The following NFKBIZ variants were observed in gnomAD, a reference collection of about 807,000 sequenced individuals.
NFKBIZ encodes NFKB inhibitor zeta.
Under a neutral mutation model 76.8 loss-of-function variants are expected in NFKBIZ, and 19 were observed. The ratio of observed to expected loss-of-function variants is 0.25; its 90% confidence interval spans 0.17 to 0.36. The LOEUF (loss-of-function observed/expected upper bound fraction) is 0.36. Ranked by LOEUF, NFKBIZ falls within the 10% of genes least tolerant of loss-of-function variation. The pLI is 1.00. For missense variants in NFKBIZ, 829 were observed against 910.9 expected (o/e 0.91, Z 1.16); for synonymous variants, 368 against 354.8 (o/e 1.04, Z -0.42).
chr3:101,838,627 G>T (rs1008916862), intron 2 of NFKBIZ, among the ~76,000 whole-genome samples: 1 of 152,244 alleles, frequency 6.6e-6, no homozygotes, highest in African/African-American at 2.4e-5. Context: ...GCAGGCCGTA[G>T]TTGCCAACTC....
In NFKBIZ at chr3:101,853,124, A is replaced by C; in HGVS notation, c.598A>C (p.Met200Leu). 6.2e-7 allele frequency: 1 copy of C among 1,614,152 alleles called. No individual in the cohort carries two copies. The highest frequency in any genetic ancestry group is 1.3e-5 in the African/African-American group (1 of 75,042). ...TCAAACACCAACGCCCGGGGAGAGC[A>C]TGGAAGATGTTCATCTCAATGAACC... is the stretch of plus-strand genomic sequence containing the variant. ...PPQTPTPGES[M>L]EDVHLNEPKQ... Residue 200 changes from methionine to leucine, a missense_variant, in exon 5 of 12, where the codon ATG becomes CTG. Physicochemically the swap from Met to Leu is conservative, Grantham distance 15. Transcript: ENST00000326172.
intron 1 of NFKBIZ, chr3:101,850,556 A>G (rs1304730586): frequency 6.6e-6 from 1 of 151,884 alleles, no homozygotes; most frequent in Non-Finnish European, 1.5e-5. Flanking sequence ...CATATCTAGC[A>G]GAGAAAGACG....
chr3:101,847,034 A>G (rs1942861253), upstream of NFKBIZ, among the ~76,000 whole-genome samples: 2 of 152,264 alleles, frequency 1.3e-5, no homozygotes, highest in Admixed American at 6.5e-5. Context: ...CCAGCTCAAG[A>G]AGATAGCTTC....
intron 9 of NFKBIZ, chr3:101,856,841 G>A (rs1446174523): frequency 2.3e-6 from 1 of 436,858 alleles, no homozygotes; most frequent in Non-Finnish European, 4.1e-6. Context: ...TGGCCACCCT[G>A]TATAAAAAGG....
chr3:101,833,737 A>G (rs1356026615), intron 2 of NFKBIZ, among the ~76,000 whole-genome samples: 3 of 152,176 alleles, frequency 2.0e-5, no homozygotes, highest in African/African-American at 4.8e-5. Flanking sequence ...TAAACAGCCA[A>G]TGAAAACAGT....
chr3:101,849,494 G>C, upstream of NFKBIZ: 1 of 730,082 alleles, frequency 1.4e-6, no homozygotes, highest in Non-Finnish European at 1.9e-6. Context: ...TAAATACCCT[G>C]GCAGTCCCGC....
chr3:101,856,022 G>T, intron 9 of NFKBIZ, 120 bp downstream of exon 9: 1 of 934,310 alleles, frequency 1.1e-6, no homozygotes, highest in Non-Finnish European at 1.5e-6. Flanking sequence ...AATGGTGTGA[G>T]TAGCAATGTA....
At position 101,849,813 on chromosome 3, in the gene NFKBIZ, C is replaced by T. The variant is rs1314737070; in HGVS notation, c.185C>T (p.Ser62Leu). The part of the protein sequence containing the change: ...CSVLGPSAPG[S>L]PGSDSSDFSS... ...GTCTTGGGCCCCTCGGCGCCCGGCT[C>T]GCCCGGCTCCGACTCCTCCGACTTC... The change falls in exon 1 of 12, where the codon TCG becomes TTG. Residue 62 changes from serine to leucine, a missense_variant. By Grantham distance (145) the Ser-to-Leu change is moderately radical (BLOSUM62 -2). Around this residue, in one of 4 missense-constraint regions of NFKBIZ, gnomAD observed 181 missense variants for 175.3 expected, o/e 1.03. Transcript: ENST00000326172. The T allele has an allele frequency of 2.0e-6, 3 of 1,471,170 alleles. No individual in the cohort carries two copies. Among genetic ancestry groups the T allele is most frequent in the South Asian group, 1.3e-5 (1 of 77,460 alleles). The allele number at this position is 1,471,170 out of a possible 1,614,324, so 91.1% of individuals were successfully genotyped here.
intron 9 of NFKBIZ, among the ~76,000 whole-genome samples, chr3:101,856,410 A>G (rs914998438): frequency 2.6e-5 from 4 of 152,218 alleles, no homozygotes; most frequent in African/African-American, 9.7e-5. Flanking sequence ...TAAATCCATG[A>G]ATTATTATCC....
At chr3:101,851,309 A>C (rs1942959259) in intron 1 of NFKBIZ, among the ~76,000 whole-genome samples, 1 of 152,236 alleles carries the variant, frequency 6.6e-6, no homozygotes, top group Non-Finnish European at 1.5e-5. Flanking sequence ...CCAAATGCTA[A>C]AGTGTATTTC....
At chr3:101,852,822 G>A (rs368124812) in intron 3 of NFKBIZ, 54 bp downstream of exon 3, 19 of 1,601,552 alleles carry the variant, frequency 1.2e-5, no homozygotes, top group African/African-American at 8.1e-5. Flanking sequence ...AAATAATAGA[G>A]TGTAATTATG....
At chr3:101,829,006 A>G (rs1942603250) in intron 1 of NFKBIZ, among the ~76,000 whole-genome samples, 1 of 152,212 alleles carries the variant, frequency 6.6e-6, no homozygotes, top group South Asian at 2.1e-4. Context: ...TGTTTAGACA[A>G]TAAAAGGAGA....
At chr3:101,855,351 C>G (rs367609090) in intron 7 of NFKBIZ, 44 bp from the exon 8 acceptor site, 2 of 1,608,270 alleles carry the variant, frequency 1.2e-6, no homozygotes, top group Non-Finnish European at 8.5e-7. Flanking sequence ...TAGGTATATG[C>G]GCAGCTTATG....
rs753885043 is a variant in NFKBIZ, at chr3:101,855,859, C to G, written c.1781C>G (p.Thr594Ser). 1.9e-6 allele frequency: 3 copies of G among 1,612,516 alleles called. No individual in the cohort carries two copies. In the Admixed American group the frequency reaches 5.0e-5, roughly 27 times the overall value. ...LLLKNKSLVDTIKCLIQMGAA... is the reference protein window; with the variant it reads ...LLLKNKSLVDSIKCLIQMGAA... The stretch of plus-strand genomic sequence containing the variant: ...CTGAAGAATAAGAGTCTGGTTGATA[C>G]CATTAAGTGCCTAATTCAAATGGGA... Residue 594 changes from threonine to serine, a missense_variant, in exon 9 of 12, where the codon ACC (threonine) becomes AGC (serine). Transcript: ENST00000326172.
Position 101,857,134 on chromosome 3 carries a change from T to C in NFKBIZ, c.1886T>C (p.Ile629Thr). 6.2e-7 allele frequency: 1 copy of C among 1,613,684 alleles called. No homozygotes were observed. The highest frequency in any genetic ancestry group is 8.5e-7 in the Non-Finnish European group (1 of 1,179,946). The part of the protein sequence containing the change: ...LAAEEANLEL[I>T]RLFLELPSCL... ...GCTGAAGAAGCAAATCTGGAACTCA[T>C]TCGCCTCTTTTTGGAGCTGCCCAGT... Residue 629 changes from isoleucine (I) to threonine (T), a missense_variant, in exon 10 of 12, where the codon ATT (isoleucine) becomes ACT (threonine). Ile to Thr is a moderately conservative substitution (Grantham distance 89). Around this residue, in one of 4 missense-constraint regions of NFKBIZ, gnomAD observed 272 missense variants for 384.2 expected, o/e 0.71. Coordinates refer to ENST00000326172, the MANE Select transcript of NFKBIZ (RefSeq NM_031419.4).
At chr3:101,828,651 C>T (rs1229304768) in intron 1 of NFKBIZ, among the ~76,000 whole-genome samples, 2 of 152,148 alleles carry the variant, frequency 1.3e-5, no homozygotes, top group African/African-American at 2.4e-5. Flanking sequence ...ATAGCATGCC[C>T]TCATTCATTC....
intron 11 of NFKBIZ, chr3:101,858,025 G>A (rs1943076272): frequency 2.4e-6 from 2 of 841,652 alleles, no homozygotes; most frequent in African/African-American, 3.7e-5. Flanking sequence ...CATCAAATAT[G>A]GTTATATATT....
chr3:101,851,928 C>G (rs1481829262), intron 1 of NFKBIZ, among the ~76,000 whole-genome samples, 157 bp from the exon 2 acceptor site: 3 of 151,748 alleles, frequency 2.0e-5, no homozygotes, highest in African/African-American at 7.2e-5. Context: ...GCTCGGGACT[C>G]ACAAGGCCAT....
chr3:101,843,828 T>C (rs1228099956), intron 2 of NFKBIZ, among the ~76,000 whole-genome samples: 1 of 152,218 alleles, frequency 6.6e-6, no homozygotes, highest in African/African-American at 2.4e-5. Context: ...CACATTTCAT[T>C]ATATAATATA....
Sources: gnomAD v4.1 joint callset for allele counts (sites outside exome capture counted in the v4.1 genomes callset) on GRCh38, gnomAD v4.1.1 for gene constraint, gnomAD v4.1.1 regional missense constraint, MANE v1.5 for transcripts, NCBI Gene and HGNC (gene_info 2026-07-23, HGNC 2026-07-21) for gene names.